AUTS2: variants seen among roughly 807,000 people sequenced by gnomAD.
The protein encoded by AUTS2 is activator of transcription and developmental regulator AUTS2, also known as autism susceptibility gene 2 protein.
In AUTS2, 17 loss-of-function variants were observed where a neutral mutation model predicts 112.4. That is an observed-to-expected ratio of 0.15 (90% CI 0.10 to 0.23). The LOEUF is 0.23. Ranked by LOEUF, AUTS2 falls within the 10% of genes least tolerant of loss-of-function variation. The probability of loss-of-function intolerance (pLI) is 1.00; values close to 1 mark genes in which losing one functional copy is unlikely to be tolerated. For missense variants in AUTS2, 1,510 were observed against 1,701.6 expected (o/e 0.89, Z 1.98); for synonymous variants, 751 against 702.7 (o/e 1.07, Z -1.09).
At chr7:69,729,260 A>G (rs1275636861) in intron 1 of AUTS2, among the ~76,000 whole-genome samples, 3 of 152,172 alleles carry the variant, frequency 2.0e-5, no homozygotes, top group Non-Finnish European at 4.4e-5. Flanking sequence ...GTATGAGAGG[A>G]GAGTTGCTTT....
At chr7:69,835,792 A>C (rs1791696981) in intron 1 of AUTS2, among the ~76,000 whole-genome samples, 1 of 152,200 alleles carries the variant, frequency 6.6e-6, no homozygotes, top group South Asian at 2.1e-4. Context: ...CGTTTCCTGG[A>C]ATCATGTAGG....
intron 1 of AUTS2, among the ~76,000 whole-genome samples, chr7:69,695,850 TTA>T (rs573774640): frequency 4.2e-4 from 64 of 152,296 alleles, no homozygotes; most frequent in African/African-American, 1.3e-3. Context: ...AAAAAAATCT[TTA>T]TTTTTAAGCA....
chr7:70,654,903 A>G (rs1806689320), intron 5 of AUTS2, among the ~76,000 whole-genome samples: 1 of 152,182 alleles, frequency 6.6e-6, no homozygotes, highest in Non-Finnish European at 1.5e-5. Context: ...AAATTGCTGC[A>G]TGGAGTAATA....
chr7:69,739,651 C>G (rs1422427122), intron 1 of AUTS2, among the ~76,000 whole-genome samples: 1 of 152,182 alleles, frequency 6.6e-6, no homozygotes, highest in Non-Finnish European at 1.5e-5. Flanking sequence ...TTAAAAATCT[C>G]CCACCCACCT....
intron 5 of AUTS2, among the ~76,000 whole-genome samples, chr7:70,644,772 T>C (rs769334466): frequency 6.6e-6 from 1 of 152,146 alleles, no homozygotes; most frequent in Non-Finnish European, 1.5e-5. Flanking sequence ...CCAGAAACAT[T>C]TATCCCCAGA....
At position 69,806,197 on chromosome 7, in the gene AUTS2, CTTTTTTTTTTT is replaced by C. The variant is rs56704400; in HGVS notation, c.310-93068_310-93058del. ...TGGGAGCCACCATGCCCAGCCAAGG[CTTTTTTTTTTT>C]TTTTTTTTTTTTTTTTTTTTAAACC... On this transcript the variant is annotated intron_variant, in intron 1 of 18. Transcript: ENST00000342771. Among the ~76,000 whole-genome samples, 266 of 55,036 alleles carry C rather than the reference CTTTTTTTTTTT, an allele frequency of 4.8e-3. 3 individuals are homozygous for C. Among genetic ancestry groups the C allele is most frequent in the Non-Finnish European group, 7.1e-3 (200 of 28,350 alleles). The allele number at this position is 55,036 out of a possible 152,430, so 36.1% of individuals were successfully genotyped here. A position where few individuals can be genotyped will look rare whatever the true frequency, so the allele number is the denominator to read the frequency against.
At chr7:70,684,864 G>A (rs940593659) in intron 5 of AUTS2, among the ~76,000 whole-genome samples, 1 of 152,182 alleles carries the variant, frequency 6.6e-6, no homozygotes, top group Non-Finnish European at 1.5e-5. Flanking sequence ...CAAGATTGAT[G>A]TAAGAGCAAA....
At chr7:70,008,192 TG>T (rs1799633669) in intron 2 of AUTS2, among the ~76,000 whole-genome samples, 1 of 152,224 alleles carries the variant, frequency 6.6e-6, no homozygotes, top group South Asian at 2.1e-4. Flanking sequence ...GTTTTAAATA[TG>T]TACATATTCA....
chr7:70,479,207 G>A (rs766976073), intron 5 of AUTS2, among the ~76,000 whole-genome samples: 4 of 152,014 alleles, frequency 2.6e-5, no homozygotes, highest in Non-Finnish European at 5.9e-5. Flanking sequence ...AAATCTTGAC[G>A]ATGTCCTTTT....
At chr7:69,735,550 G>A (rs1015173610) in intron 1 of AUTS2, among the ~76,000 whole-genome samples, 1 of 152,136 alleles carries the variant, frequency 6.6e-6, no homozygotes, top group Non-Finnish European at 1.5e-5. Flanking sequence ...TAGACTATCA[G>A]TTAATAAAAA....
At chr7:69,821,938 G>C (rs1193493978) in intron 1 of AUTS2, among the ~76,000 whole-genome samples, 2 of 134,384 alleles carry the variant, frequency 1.5e-5, no homozygotes, top group African/African-American at 2.8e-5. Context: ...AAAAAAAAAA[G>C]TCTAGTAAGT....
In AUTS2 at chr7:70,762,893, C is replaced by G. The variant is rs1354698018; in HGVS notation, c.766C>G (p.Leu256Val). 1 of 1,613,762 alleles carries G rather than the reference C, an allele frequency of 6.2e-7. No homozygotes were observed. Among genetic ancestry groups the G allele is most frequent in the Non-Finnish European group, 8.5e-7 (1 of 1,179,880 alleles). ...AGATCCGGAGTTAGGTGTTGGCACG[C>G]TACCAGAACATGACAGCCAGGATGC... Reference protein sequence around the residue: ...NKDPELGVGTLPEHDSQDAGP... With the variant: ...NKDPELGVGTVPEHDSQDAGP... Residue 256 changes from leucine to valine, a missense_variant, in exon 7 of 19, where the codon CTA becomes GTA. By Grantham distance (32) the Leu-to-Val change is conservative (BLOSUM62 1). Coordinates refer to ENST00000342771, the MANE Select transcript of AUTS2 (RefSeq NM_015570.4).
chr7:70,430,725 A>G (rs1795621938), intron 4 of AUTS2, among the ~76,000 whole-genome samples: 1 of 152,212 alleles, frequency 6.6e-6, no homozygotes, highest in African/African-American at 2.4e-5. Context: ...GTGCAAAGGG[A>G]AAAATTCTAA....
chr7:70,729,474 A>G (rs1411399821), intron 6 of AUTS2, among the ~76,000 whole-genome samples: 4 of 152,326 alleles, frequency 2.6e-5, no homozygotes, highest in Non-Finnish European at 5.9e-5. Context: ...TCCATGTTCC[A>G]TTAGAGAACT....
At chr7:70,083,228 C>T (rs1299954282) in intron 2 of AUTS2, among the ~76,000 whole-genome samples, 2 of 152,144 alleles carry the variant, frequency 1.3e-5, no homozygotes, top group Non-Finnish European at 2.9e-5. Context: ...CCTGAGGGAA[C>T]CCACGAGTTT....
intron 2 of AUTS2, among the ~76,000 whole-genome samples, chr7:70,033,418 C>G (rs1463934245): frequency 6.6e-6 from 1 of 152,004 alleles, no homozygotes; most frequent in African/African-American, 2.4e-5. Flanking sequence ...AGAGGAAGAA[C>G]CTTTAAGTGA....
intron 2 of AUTS2, among the ~76,000 whole-genome samples, chr7:70,091,434 A>G (rs1156716217): frequency 1.3e-5 from 2 of 152,216 alleles, no homozygotes; most frequent in Non-Finnish European, 2.9e-5. Flanking sequence ...TCTTTACCTA[A>G]TGGACCCATT....
intron 1 of AUTS2, among the ~76,000 whole-genome samples, chr7:69,709,081 C>T (rs905288065): frequency 6.6e-6 from 1 of 152,126 alleles, no homozygotes; most frequent in South Asian, 2.1e-4. Flanking sequence ...CACAAAGCCC[C>T]ATTGCTGTGG....
chr7:69,751,693 A>T (rs1247602708), intron 1 of AUTS2, among the ~76,000 whole-genome samples: 2 of 152,208 alleles, frequency 1.3e-5, no homozygotes, highest in Non-Finnish European at 2.9e-5. Context: ...GATTTATTGC[A>T]TCTGCAAAGG....
Sources: allele counts gnomAD v4.1 joint callset (sites outside exome capture counted in the v4.1 genomes callset), GRCh38; gene constraint gnomAD v4.1.1; transcripts MANE v1.5; gene names NCBI Gene and HGNC (gene_info 2026-07-23, HGNC 2026-07-21).